Variants in ADGRB3 observed in about 807,000 individuals in gnomAD.
ADGRB3 encodes adhesion G protein-coupled receptor B3.
In ADGRB3, 37 loss-of-function variants were observed where a neutral mutation model predicts 193.4. The observed-to-expected ratio is 0.19, with a 90% confidence interval of 0.15 to 0.25. ADGRB3 has a LOEUF of 0.25. ADGRB3 is among the 10% of genes least tolerant of loss of function. The pLI is 1.00. For missense variants in ADGRB3, 1,637 were observed against 1,852.9 expected (o/e 0.88, Z 2.14); for synonymous variants, 690 against 644.2 (o/e 1.07, Z -1.08).
chr6:69,011,759 G>A (rs144861844), intron 11 of ADGRB3, among the ~76,000 whole-genome samples: 316 of 152,114 alleles, frequency 2.1e-3, no homozygotes, highest in African/African-American at 7.2e-3. Flanking sequence ...TATACACTGA[G>A]GATACACTGA....
chr6:68,814,889 A>G (rs1317739165), intron 3 of ADGRB3, among the ~76,000 whole-genome samples: 2 of 152,166 alleles, frequency 1.3e-5, no homozygotes, highest in African/African-American at 2.4e-5. Flanking sequence ...CAAAAACCAC[A>G]TGATTATCTC....
At chr6:69,327,565 C>T (rs1768603778) in intron 21 of ADGRB3, among the ~76,000 whole-genome samples, 1 of 152,142 alleles carries the variant, frequency 6.6e-6, no homozygotes, top group South Asian at 2.1e-4. Flanking sequence ...TCTGTTATTA[C>T]TTCCATTTAA....
intron 8 of ADGRB3, among the ~76,000 whole-genome samples, chr6:68,965,360 C>G (rs1472329825): frequency 6.6e-6 from 1 of 152,122 alleles, no homozygotes; most frequent in Non-Finnish European, 1.5e-5. Flanking sequence ...CCTCTGCATC[C>G]TCCAGCACAG....
chr6:69,073,620 C>A (rs1196266792), intron 16 of ADGRB3, among the ~76,000 whole-genome samples: 1 of 152,140 alleles, frequency 6.6e-6, no homozygotes, highest in Admixed American at 6.5e-5. Flanking sequence ...TCCTCCCCTG[C>A]AAATGTTGTG....
At chr6:69,276,380 G>T (rs1021332394) in intron 20 of ADGRB3, among the ~76,000 whole-genome samples, 4 of 152,166 alleles carry the variant, frequency 2.6e-5, no homozygotes, top group African/African-American at 9.7e-5. Flanking sequence ...GACATTCCAA[G>T]AAGTTTTTAA....
intron 20 of ADGRB3, among the ~76,000 whole-genome samples, chr6:69,255,176 A>C (rs1407776060): frequency 6.6e-6 from 1 of 152,240 alleles, no homozygotes; most frequent in East Asian, 1.9e-4. Flanking sequence ...ATACGTGTGC[A>C]TGTGTCTTTA....
At chr6:69,376,715 T>C in intron 30 of ADGRB3, among the ~76,000 whole-genome samples, 1 of 152,212 alleles carries the variant, frequency 6.6e-6, no homozygotes, top group Non-Finnish European at 1.5e-5. Context: ...AGAAATGTCT[T>C]GTTCATAACA....
At chr6:69,195,936 A>C (rs977187260) in intron 17 of ADGRB3, among the ~76,000 whole-genome samples, 13 of 152,124 alleles carry the variant, frequency 8.5e-5, no homozygotes, top group African/African-American at 2.9e-4. Flanking sequence ...TTAAAGAAAA[A>C]ATGAATAGTC....
At chr6:69,289,180 G>C (rs1442025187) in intron 20 of ADGRB3, among the ~76,000 whole-genome samples, 32 of 152,142 alleles carry the variant, frequency 2.1e-4, no homozygotes. Flanking sequence ...TGTAAAAGAA[G>C]ATGGCAGCAC....
At chr6:69,215,016 G>A (rs1034466867) in intron 17 of ADGRB3, among the ~76,000 whole-genome samples, 2 of 151,896 alleles carry the variant, frequency 1.3e-5, no homozygotes, top group Non-Finnish European at 2.9e-5. Context: ...AACACATGCC[G>A]ACCTAAATTG....
intron 3 of ADGRB3, among the ~76,000 whole-genome samples, chr6:68,880,188 A>G (rs1330246272): frequency 6.6e-6 from 1 of 152,174 alleles, no homozygotes; most frequent in African/African-American, 2.4e-5. Context: ...TACTGCAGAG[A>G]ACTGGCTGAT....
At chr6:69,209,857 A>G (rs1000414761) in intron 17 of ADGRB3, among the ~76,000 whole-genome samples, 1 of 152,088 alleles carries the variant, frequency 6.6e-6, no homozygotes, top group African/African-American at 2.4e-5. Flanking sequence ...AGGATAAATC[A>G]AATTCATTTA....
chr6:69,178,345 G>A (rs1032995125), intron 17 of ADGRB3, among the ~76,000 whole-genome samples: 1 of 152,192 alleles, frequency 6.6e-6, no homozygotes, highest in South Asian at 2.1e-4. Flanking sequence ...CAGGTGTGAT[G>A]GGTCTCTTGA....
At chr6:68,731,513 C>T (rs992161126) in intron 3 of ADGRB3, among the ~76,000 whole-genome samples, 1 of 151,462 alleles carries the variant, frequency 6.6e-6, no homozygotes, top group Admixed American at 6.6e-5. Flanking sequence ...AAAAGTTTGA[C>T]ATTTAGAATA....
At chr6:69,054,459 T>C (rs752966007) in intron 15 of ADGRB3, among the ~76,000 whole-genome samples, 4 of 152,190 alleles carry the variant, frequency 2.6e-5, no homozygotes, top group Non-Finnish European at 4.4e-5. Flanking sequence ...CCAGAGCTCA[T>C]GTCCTTAGGT....
chr6:69,360,835 C>A, intron 28 of ADGRB3, 34 bp from the exon 29 acceptor site: 1 of 1,530,812 alleles, frequency 6.5e-7, no homozygotes, highest in Non-Finnish European at 8.8e-7. Flanking sequence ...CACACATTAA[C>A]TCTCTTTCTT....
chr6:68,993,660 G>C (rs1306963875), intron 10 of ADGRB3, 108 bp from the exon 11 acceptor site: 2 of 1,140,642 alleles, frequency 1.8e-6, no homozygotes, highest in Non-Finnish European at 2.5e-6. Flanking sequence ...GCATTGCAAG[G>C]CTATTTTAAG....
chr6:68,937,381 C>G (rs533603715), intron 5 of ADGRB3, among the ~76,000 whole-genome samples: 2 of 152,276 alleles, frequency 1.3e-5, no homozygotes, highest in African/African-American at 4.8e-5. Flanking sequence ...AGACTACAGA[C>G]TTTCATGTAA....
Position 68,875,404 on chromosome 6 carries a change from G to A in ADGRB3, c.758-55155G>A, listed in dbSNP as rs1009405959. Among the ~76,000 whole-genome samples, 4 of 151,474 alleles carry A rather than the reference G, an allele frequency of 2.6e-5. No individual in the cohort carries two copies. In the Admixed American group the frequency reaches 2.6e-4, roughly 10 times the overall value. ...GGTTAAAAGGGAAGCATGAAAGTGAGCCATTGCAGATAGAAACAGATGTTT... is the reference window on the plus strand; with the variant it reads ...GGTTAAAAGGGAAGCATGAAAGTGAACCATTGCAGATAGAAACAGATGTTT... On this transcript the variant is annotated intron_variant, in intron 3 of 31. Transcript: ENST00000370598.
Sources: gnomAD v4.1 joint callset for allele counts (sites outside exome capture counted in the v4.1 genomes callset) on GRCh38, gnomAD v4.1.1 for gene constraint, MANE v1.5 for transcripts, NCBI Gene and HGNC (gene_info 2026-07-23, HGNC 2026-07-21) for gene names.